The following POGLUT2 variants were observed in gnomAD, a reference collection of about 807,000 sequenced individuals.
POGLUT2 encodes the protein protein O-glucosyltransferase 2.
A neutral mutation model predicts 57.6 loss-of-function variants in POGLUT2; 47 were observed. The ratio of observed to expected loss-of-function variants is 0.82; its 90% CI spans 0.65 to 1.04. POGLUT2 has a LOEUF of 1.04. POGLUT2 is among the 50% of genes least tolerant of loss of function. POGLUT2 has a pLI of 0.00. For missense variants in POGLUT2, 565 were observed against 614.8 expected, an observed-to-expected ratio of 0.92 and a Z score of 0.86; for synonymous variants, 200 against 218.8, an observed-to-expected ratio of 0.91 and a Z score of 0.76.
At chr13:102,790,839 C>G (rs1215284219) in intron 6 of POGLUT2, 62 bp downstream of exon 6, 1 of 1,142,574 alleles carries the variant, frequency 8.8e-7, no homozygotes, top group East Asian at 2.4e-5. Context: ...TTTCCCTTCC[C>G]AAAGCACTAT....
chr13:102,790,764 C>G (rs905817407), intron 6 of POGLUT2, 137 bp downstream of exon 6: 53 of 649,680 alleles, frequency 8.2e-5, no homozygotes, highest in Non-Finnish European at 1.2e-4. Flanking sequence ...CCAGCACCCC[C>G]ATGTCTCAAT....
rs1415016921 is a variant in POGLUT2 at position 102,790,882 on chromosome 13, GC to G, written c.1083+18del. 6.9e-7 allele frequency: 1 copy of G among 1,448,318 alleles called. No individual in the cohort carries two copies. Among genetic ancestry groups the G allele is most frequent in the Admixed American group, 1.7e-5 (1 of 59,368 alleles). The allele number at this position is 1,448,318 out of a possible 1,614,324, so 89.7% of individuals were successfully genotyped here. A position where few individuals can be genotyped will look rare whatever the true frequency, so the allele number is the denominator to read the frequency against. The stretch of plus-strand genomic sequence containing the variant: ...TACATTAGAAAAACAAAAAAGATTA[GC>G]TACTGATTAAGTCATACCTTGAAGA... On this transcript the variant is annotated intron_variant, in intron 6 of 9. Coordinates refer to ENST00000376004, the MANE Select transcript of POGLUT2 (RefSeq NM_024089.3).
rs1193621259 is a variant in POGLUT2 at position 102,789,179 on chromosome 13, G to A, written c.1126C>T (p.Arg376Cys). Residue 376 changes from arginine (R) to cysteine (C), a missense_variant, in exon 7 of 10, where the codon CGC becomes TGC. Transcript: ENST00000376004. ...INIDGTVAAY[R>C]LPYLLVGDSV... ...TCACCAACTAGCAAATATGGCAGGC[G>A]ATAAGCTGCTACAGTGCCATCGATA... The A allele has an allele frequency of 1.9e-6, 3 of 1,614,160 alleles. No individual in the cohort carries two copies. The highest frequency in any genetic ancestry group is 2.2e-5 in the South Asian group (2 of 91,080).
intron 6 of POGLUT2, among the ~76,000 whole-genome samples, chr13:102,789,425 T>C (rs1447141185): frequency 3.3e-5 from 5 of 152,218 alleles, no homozygotes; most frequent in African/African-American, 4.8e-5. Context: ...CTTCTCAATT[T>C]TACAAAGGAT....
At chr13:102,798,415 G>T in intron 1 of POGLUT2, 74 bp downstream of exon 1, 2 of 1,400,976 alleles carry the variant, frequency 1.4e-6, no homozygotes, top group Non-Finnish European at 1.9e-6. Flanking sequence ...CGAGTTCTTG[G>T]AAAGAAAAAT....
At chr13:102,787,625 C>T (rs186838071) in intron 8 of POGLUT2, among the ~76,000 whole-genome samples, 40 of 152,262 alleles carry the variant, frequency 2.6e-4, no homozygotes, top group Admixed American at 1.4e-3. Flanking sequence ...TAATAGTTTT[C>T]GCTTAATATT....
rs559003360 is a variant in POGLUT2, at chr13:102,787,382, C to T, written c.1383+452G>A. 3.9e-5 allele frequency among the ~76,000 whole-genome samples: 6 copies of T among 152,230 alleles called. No individual in the cohort carries two copies. In the East Asian group the frequency reaches 5.8e-4, roughly 15 times the overall value. On this transcript the variant is annotated intron_variant, in intron 8 of 9. Coordinates refer to ENST00000376004, the MANE Select transcript of POGLUT2 (RefSeq NM_024089.3). ...TTTTTAAAAGAGTCCTTTAAATCGT[C>T]GGATATGCTTGATTACAATCTCTAA... is the stretch of plus-strand genomic sequence containing the variant.
chr13:102,795,490 G>C (rs914981523), intron 2 of POGLUT2, among the ~76,000 whole-genome samples: 5 of 152,112 alleles, frequency 3.3e-5, no homozygotes, highest in African/African-American at 7.2e-5. Flanking sequence ...TTGAACCCAG[G>C]AGGTCGAGGC....
intron 4 of POGLUT2, chr13:102,792,000 G>A (rs1399262943): frequency 7.0e-6 from 9 of 1,289,566 alleles, no homozygotes; most frequent in Non-Finnish European, 7.1e-6. Context: ...TGACCAGTCT[G>A]AGAAGCATCT....
At chr13:102,788,643 C>T (rs1183453328) in intron 7 of POGLUT2, among the ~76,000 whole-genome samples, 3 of 152,168 alleles carry the variant, frequency 2.0e-5, no homozygotes, top group Admixed American at 6.5e-5. Flanking sequence ...CCCATCACCA[C>T]GCCAGCTTAT....
chr13:102,791,072 A>C lies in POGLUT2; in HGVS notation c.912T>G (p.Thr304=), dbSNP rs1408010952. 3 of 1,614,092 alleles carry C rather than the reference A, an allele frequency of 1.9e-6. No homozygotes were observed. Among genetic ancestry groups the C allele is most frequent in the Non-Finnish European group, 2.5e-6 (3 of 1,180,048 alleles). ...GGCTGTCTCGCCCTCTCCAGACGGC[A>C]GTGGAATTTTTGCTTTCCCAGGGAG... The part of the protein sequence containing the change: ...TGPPWESKNS[T]AVWRGRDSRK... Residue 304 remains threonine (T), a synonymous_variant, in exon 6 of 10, where the codon ACT becomes ACG. Coordinates refer to ENST00000376004, the MANE Select transcript of POGLUT2 (RefSeq NM_024089.3).
At chr13:102,795,747 T>C (rs1878351884) in intron 2 of POGLUT2, among the ~76,000 whole-genome samples, 1 of 152,258 alleles carries the variant, frequency 6.6e-6, no homozygotes, top group East Asian at 1.9e-4. Flanking sequence ...TAGTGGGTGA[T>C]ACTGTACCAG....
At chr13:102,790,792 C>A (rs2274387) in intron 6 of POGLUT2, 109 bp downstream of exon 6, 17,937 of 771,292 alleles carry the variant, frequency 0.023, 491 homozygotes, top group East Asian at 0.1. Flanking sequence ...CAATTTTGTG[C>A]TAACTTCTCC....
chr13:102,788,991 C>T, intron 7 of POGLUT2, 21 bp downstream of exon 7: 1 of 1,594,062 alleles, frequency 6.3e-7, no homozygotes, highest in Admixed American at 1.7e-5. Flanking sequence ...GGAAATAAGC[C>T]TTCAAGGGGA....
rs1878569466 is a variant in POGLUT2, at chr13:102,798,973, A to G, written c.-303T>C. 9.7e-6 allele frequency: 4 copies of G among 410,478 alleles called. No individual in the cohort carries two copies. Among genetic ancestry groups the G allele is most frequent in the East Asian group, 3.5e-5 (1 of 28,172 alleles). 25.4% of individuals were successfully genotyped at this position (410,478 alleles called of 1,614,324 possible). A position where few individuals can be genotyped will look rare whatever the true frequency, so the allele number is the denominator to read the frequency against. ...GAGTTGCTCCTGCCACTGGAGCATCATTTGGGAGCGAATCCGTCTCAGGTT... is the reference window on the plus strand; with the variant it reads ...GAGTTGCTCCTGCCACTGGAGCATCGTTTGGGAGCGAATCCGTCTCAGGTT... On this transcript the variant is annotated 5_prime_UTR_variant, in exon 1 of 10. The change abolishes an upstream ATG in the 5' untranslated region. Coordinates refer to ENST00000376004, the MANE Select transcript of POGLUT2 (RefSeq NM_024089.3).
intron 2 of POGLUT2, 117 bp downstream of exon 2, chr13:102,796,687 A>T (rs1378667883): frequency 2.3e-3 from 120 of 52,182 alleles, no homozygotes; most frequent in Admixed American, 5.8e-3. Flanking sequence ...TTTCAGTAAA[A>T]AAAAAAAAAA....
intron 6 of POGLUT2, among the ~76,000 whole-genome samples, chr13:102,790,091 T>G (rs1375995243): frequency 1.3e-5 from 2 of 152,202 alleles, no homozygotes; most frequent in African/African-American, 4.8e-5. Flanking sequence ...CTAGTATCCT[T>G]TCACTTTGGT....
chr13:102,786,251 C>T lies in POGLUT2; in HGVS notation c.1472G>A (p.Cys491Tyr), dbSNP rs1486413176. The T allele has an allele frequency of 6.2e-7, 1 of 1,612,458 alleles. No individual in the cohort carries two copies. The highest frequency in any genetic ancestry group is 1.1e-5 in the South Asian group (1 of 91,052). The change falls in exon 9 of 10, where the codon TGT (cysteine) becomes TAT (tyrosine). Residue 491 changes from cysteine (C) to tyrosine (Y), a missense_variant. Transcript: ENST00000376004. ...EPQTEDDLFP[C>Y]TCHRKKTKDE... ...GGTTACCTTTTTCCTATGGCAAGTA[C>T]AAGGGAAGAGGTCGTCCTCAGTCTG...
At chr13:102,796,196 A>G (rs60708984) in intron 2 of POGLUT2, among the ~76,000 whole-genome samples, 10,433 of 151,482 alleles carry the variant, frequency 0.069, 528 homozygotes, top group African/African-American at 0.13. Flanking sequence ...ATGGGAGGCT[A>G]AGGCAGGATA....
Sources: allele counts gnomAD v4.1 joint callset (sites outside exome capture counted in the v4.1 genomes callset), GRCh38; gene constraint gnomAD v4.1.1; transcripts MANE v1.5; gene names NCBI Gene and HGNC (gene_info 2026-07-23, HGNC 2026-07-21).